Variants in APP observed in about 807,000 individuals in gnomAD.
The protein encoded by APP is amyloid beta precursor protein, also known as amyloid-beta precursor protein.
In APP, 31 loss-of-function variants were observed where a neutral mutation model predicts 101.4. The observed-to-expected ratio is 0.31, with a 90% CI of 0.23 to 0.41. The LOEUF is 0.41. APP is among the 10% of genes least tolerant of loss of function. The probability of loss-of-function intolerance (pLI) is 1.00; values close to 1 mark genes in which losing one functional copy is unlikely to be tolerated. For missense variants in APP, 839 were observed against 1,003.7 expected, an observed-to-expected ratio of 0.84 and a Z score of 2.22; for synonymous variants, 366 against 364.4, an observed-to-expected ratio of 1.00 and a Z score of -0.05.
chr21:26,149,975 A>C (rs1213164826), intron 1 of APP, among the ~76,000 whole-genome samples: 1 of 152,230 alleles, frequency 6.6e-6, no homozygotes, highest in Non-Finnish European at 1.5e-5. Flanking sequence ...AAAGGGGAAA[A>C]AAACCTTTTT....
chr21:26,150,428 C>T (rs563574839), intron 1 of APP, among the ~76,000 whole-genome samples: 49 of 152,090 alleles, frequency 3.2e-4, no homozygotes, highest in Non-Finnish European at 6.2e-4. Flanking sequence ...TGCTATTTCT[C>T]GATTGTCTTC....
At chr21:26,107,785 T>A (rs2062217886) in intron 2 of APP, among the ~76,000 whole-genome samples, 1 of 152,186 alleles carries the variant, frequency 6.6e-6, no homozygotes, top group South Asian at 2.1e-4. Context: ...CATGTAGTTT[T>A]TAGATTGCTA....
chr21:26,091,850 C>T (rs757551950), intron 2 of APP, among the ~76,000 whole-genome samples: 2 of 152,150 alleles, frequency 1.3e-5, no homozygotes, highest in East Asian at 1.9e-4. Context: ...AAAAGAACTT[C>T]GACCTGAGAA....
intron 5 of APP, among the ~76,000 whole-genome samples, chr21:26,048,867 A>G (rs1266393610): frequency 6.6e-6 from 1 of 152,206 alleles, no homozygotes; most frequent in African/African-American, 2.4e-5. Context: ...TTTATCATAC[A>G]TTAACCCCAT....
chr21:26,158,203 T>C (rs1393259603), intron 1 of APP: 1 of 152,248 alleles, frequency 6.6e-6, no homozygotes, highest in Non-Finnish European at 1.5e-5. Context: ...AAGCATTTCC[T>C]ACCTCCTCCT....
intron 1 of APP, among the ~76,000 whole-genome samples, chr21:26,142,312 C>T (rs963873101): frequency 3.9e-5 from 6 of 152,154 alleles, no homozygotes; most frequent in East Asian, 1.9e-4. Flanking sequence ...AGCCCTCACT[C>T]GATCTTTCTA....
chr21:26,149,067 C>A (rs1173531052), intron 1 of APP, among the ~76,000 whole-genome samples: 1 of 152,150 alleles, frequency 6.6e-6, no homozygotes, highest in Non-Finnish European at 1.5e-5. Flanking sequence ...TTCAGAACTT[C>A]CTGCAGGAGA....
intron 16 of APP, among the ~76,000 whole-genome samples, chr21:25,894,018 A>G (rs2037866751): frequency 6.6e-6 from 1 of 152,248 alleles, no homozygotes; most frequent in Admixed American, 6.5e-5. Flanking sequence ...AGGGCGCTTA[A>G]GAATTATTCT....
intron 5 of APP, among the ~76,000 whole-genome samples, chr21:26,044,828 T>C (rs531778844): frequency 2.0e-5 from 3 of 152,324 alleles, no homozygotes; most frequent in African/African-American, 7.2e-5. Context: ...CGTGAGCTAC[T>C]GCGCCCGGCT....
At chr21:26,114,440 A>G (rs1299755843) in intron 1 of APP, among the ~76,000 whole-genome samples, 1 of 152,198 alleles carries the variant, frequency 6.6e-6, no homozygotes, top group African/African-American at 2.4e-5. Context: ...GCATGTATAT[A>G]TTAGACTTAA....
intron 6 of APP, among the ~76,000 whole-genome samples, chr21:26,016,911 C>A (rs1200171658): frequency 1.5e-5 from 2 of 136,848 alleles, no homozygotes. Flanking sequence ...GCATGGTGGC[C>A]TGTATTCCCA....
intron 1 of APP, among the ~76,000 whole-genome samples, chr21:26,144,232 G>A (rs2063108821): frequency 1.3e-5 from 2 of 152,244 alleles, no homozygotes; most frequent in South Asian, 2.1e-4. Context: ...CACTACACAT[G>A]GGGATTATGG....
At chr21:25,895,176 CTTT>C (rs371074293) in intron 16 of APP, among the ~76,000 whole-genome samples, 29,787 of 143,620 alleles carry the variant, frequency 0.21, 3,356 homozygotes, top group South Asian at 0.32. Flanking sequence ...TAAATACAAA[CTTT>C]TTTTTTTTTT....
At chr21:26,087,760 T>C (rs1251217701) in intron 3 of APP, among the ~76,000 whole-genome samples, 1 of 152,238 alleles carries the variant, frequency 6.6e-6, no homozygotes, top group Non-Finnish European at 1.5e-5. Flanking sequence ...GACAGGTCAT[T>C]AACTTTACTA....
chr21:26,170,500 G>T, intron 1 of APP, 64 bp downstream of exon 1: 1 of 1,501,344 alleles, frequency 6.7e-7, no homozygotes, highest in Non-Finnish European at 8.9e-7. Context: ...TTGGGTTAAG[G>T]TCTTGGGGGG....
intron 2 of APP, among the ~76,000 whole-genome samples, chr21:26,092,144 T>C (rs1305325945): frequency 6.6e-6 from 1 of 152,206 alleles, no homozygotes; most frequent in Admixed American, 6.5e-5. Flanking sequence ...ATTTTGTTCA[T>C]CATGGAGTTT....
intron 6 of APP, among the ~76,000 whole-genome samples, chr21:26,018,505 T>C (rs926185912): frequency 2.6e-5 from 4 of 152,232 alleles, no homozygotes; most frequent in African/African-American, 4.8e-5. Flanking sequence ...AAAGGACTCT[T>C]TGCAGCTGAC....
At chr21:26,082,788 C>T (rs1217263439) in intron 3 of APP, among the ~76,000 whole-genome samples, 1 of 152,172 alleles carries the variant, frequency 6.6e-6, no homozygotes, top group Non-Finnish European at 1.5e-5. Context: ...AAGAGGGAGG[C>T]CCACATTTCA....
chr21:25,959,424 C>G (rs2041481338), intron 11 of APP, among the ~76,000 whole-genome samples: 2 of 152,332 alleles, frequency 1.3e-5, no homozygotes, highest in Admixed American at 1.3e-4. Context: ...CAGGACGAGA[C>G]TCCGTCTCAA....
Sources: allele counts gnomAD v4.1 joint callset (sites outside exome capture counted in the v4.1 genomes callset), GRCh38; gene constraint gnomAD v4.1.1; transcripts MANE v1.5; gene names NCBI Gene and HGNC (gene_info 2026-07-23, HGNC 2026-07-21).